Variants in DPP10 observed in about 807,000 individuals in gnomAD.
The protein encoded by DPP10 is inactive dipeptidyl peptidase 10.
DPP10 carries 33 observed loss-of-function variants against 120.9 expected under a neutral mutation model. The observed-to-expected ratio is 0.27, with a 90% CI of 0.21 to 0.37. The LOEUF is 0.37. Ranked by LOEUF, DPP10 falls within the 10% of genes least tolerant of loss-of-function variation. DPP10 has a pLI of 1.00. For synonymous variants in DPP10, 337 were observed against 326.1 expected, an observed-to-expected ratio of 1.03 and a Z score of -0.36; for missense variants, 816 against 942.8, an observed-to-expected ratio of 0.87 and a Z score of 1.76.
intron 1 of DPP10, among the ~76,000 whole-genome samples, chr2:114,644,753 A>C (rs1310597688): frequency 2.0e-5 from 3 of 151,948 alleles, no homozygotes; most frequent in Non-Finnish European, 2.9e-5. Context: ...GGCAACAATC[A>C]TGCAATAAGC....
chr2:114,661,141 GAAC>G (rs1303881450), intron 1 of DPP10, among the ~76,000 whole-genome samples: 3 of 152,008 alleles, frequency 2.0e-5, no homozygotes, highest in Non-Finnish European at 2.9e-5. Context: ...TCCTTTCAAA[GAAC>G]AACAATTAAA....
intron 1 of DPP10, among the ~76,000 whole-genome samples, chr2:114,791,923 G>T (rs1025069119): frequency 1.3e-5 from 2 of 152,162 alleles, no homozygotes; most frequent in Non-Finnish European, 2.9e-5. Flanking sequence ...TTGTATCACT[G>T]AATCAGCCTT....
rs1165798124 is a variant in DPP10 at position 115,394,438 on chromosome 2, A to T, written c.271+50526A>T. ...TTTTTTAATTAGAAAATCACATTCT[A>T]TTATAGGCTGCTACATGTAATCAAC... On this transcript the variant is annotated intron_variant, in intron 3 of 25. Coordinates refer to ENST00000410059, the MANE Select transcript of DPP10 (RefSeq NM_020868.6). Among the ~76,000 whole-genome samples the T allele has an allele frequency of 2.0e-5, 3 of 150,392 alleles. No homozygotes were observed. In the East Asian group the frequency reaches 5.9e-4, roughly 29 times the overall value.
At chr2:115,776,879 C>T (rs1682169279) in intron 13 of DPP10, among the ~76,000 whole-genome samples, 1 of 150,442 alleles carries the variant, frequency 6.6e-6, no homozygotes, top group Non-Finnish European at 1.5e-5. Flanking sequence ...TTTTTTAAAG[C>T]TAACTGTACA....
At chr2:115,716,500 T>C (rs1463507457) in intron 7 of DPP10, among the ~76,000 whole-genome samples, 3 of 152,156 alleles carry the variant, frequency 2.0e-5, no homozygotes. Flanking sequence ...TGCCTTTTAT[T>C]GCGGATCCTA....
chr2:115,242,719 G>A (rs2058346838), intron 1 of DPP10, among the ~76,000 whole-genome samples: 1 of 149,746 alleles, frequency 6.7e-6, no homozygotes, highest in Admixed American at 6.6e-5. Flanking sequence ...AGAGTAAGGT[G>A]GTATTGCATT....
chr2:115,153,378 T>A (rs1197661414), intron 1 of DPP10, among the ~76,000 whole-genome samples: 2 of 152,222 alleles, frequency 1.3e-5, no homozygotes, highest in Non-Finnish European at 2.9e-5. Context: ...GTTCTTATGT[T>A]GGTCCACTGT....
rs528227751 is a variant in DPP10 at position 114,496,785 on chromosome 2, C to T, written c.60+53947C>T. On this transcript the variant is annotated intron_variant, in intron 1 of 25. Transcript: ENST00000410059. ...GCTGGTTTGGGAACACTCAATGAGACGCAGGAAATGGAACCAACTGCTATT... is the reference window on the plus strand; with the variant it reads ...GCTGGTTTGGGAACACTCAATGAGATGCAGGAAATGGAACCAACTGCTATT... Among the ~76,000 whole-genome samples, 14 of 151,984 alleles carry T rather than the reference C, an allele frequency of 9.2e-5. No individual in the cohort carries two copies. In the South Asian group the frequency reaches 1.2e-3, roughly 14 times the overall value.
At chr2:114,757,154 G>A (rs1679832775) in intron 1 of DPP10, among the ~76,000 whole-genome samples, 1 of 148,998 alleles carries the variant, frequency 6.7e-6, no homozygotes, top group African/African-American at 2.5e-5. Context: ...GAGGGGTGGG[G>A]AGGGAGAGAG....
At position 115,047,493 on chromosome 2, in the gene DPP10, A is replaced by G. The variant is rs186627477; in HGVS notation, c.61-261746A>G. 8.0e-4 allele frequency among the ~76,000 whole-genome samples: 122 copies of G among 152,158 alleles called. 5 individuals carry two copies. Among genetic ancestry groups the G allele is most frequent in the Middle Eastern group, 6.9e-3 (2 of 290 alleles). ...GGTCATATTTTCATGAGTAAAAATT[A>G]TTTCCAATTATATTTTAACCGTGTC... On this transcript the variant is annotated intron_variant, in intron 1 of 25. Transcript: ENST00000410059.
intron 3 of DPP10, among the ~76,000 whole-genome samples, chr2:115,346,797 C>A (rs1025255427): frequency 7.4e-4 from 112 of 152,232 alleles, no homozygotes; most frequent in African/African-American, 2.6e-3. Context: ...TTAAAGTTAA[C>A]CCCAGAAAAC....
intron 1 of DPP10, among the ~76,000 whole-genome samples, chr2:114,997,801 A>C (rs1008053349): frequency 7.9e-5 from 12 of 152,240 alleles, no homozygotes; most frequent in African/African-American, 2.9e-4. Flanking sequence ...CAAAACCCTT[A>C]GGACCAGAAG....
At chr2:115,103,106 C>A (rs1057389485) in intron 1 of DPP10, among the ~76,000 whole-genome samples, 1 of 151,638 alleles carries the variant, frequency 6.6e-6, no homozygotes, top group African/African-American at 2.4e-5. Flanking sequence ...ACATAAAAAT[C>A]TCATCTCTCT....
chr2:115,392,733 A>T (rs2067403448), intron 3 of DPP10, among the ~76,000 whole-genome samples: 1 of 152,108 alleles, frequency 6.6e-6, no homozygotes, highest in Admixed American at 6.5e-5. Context: ...ATTACAATGA[A>T]TTTTTTAAAA....
chr2:115,312,016 A>T (rs1368261398), intron 2 of DPP10, among the ~76,000 whole-genome samples: 2 of 152,040 alleles, frequency 1.3e-5, no homozygotes, highest in African/African-American at 4.8e-5. Context: ...TAGGCCTCCC[A>T]AAGTGCTGGG....
intron 1 of DPP10, among the ~76,000 whole-genome samples, chr2:114,931,059 T>A (rs9678770): frequency 0.7 from 106,068 of 152,008 alleles, 37,194 homozygotes; most frequent in South Asian, 0.76. Flanking sequence ...CTCTAAGAAG[T>A]TTCCAACTTT....
chr2:115,089,411 C>G (rs1478026437), intron 1 of DPP10, among the ~76,000 whole-genome samples: 1 of 152,152 alleles, frequency 6.6e-6, no homozygotes, highest in Non-Finnish European at 1.5e-5. Flanking sequence ...ACTAGATGAG[C>G]AGTAATTGGA....
At chr2:115,039,914 G>A (rs899652356) in intron 1 of DPP10, among the ~76,000 whole-genome samples, 33 of 151,970 alleles carry the variant, frequency 2.2e-4, no homozygotes, top group African/African-American at 7.7e-4. Flanking sequence ...GGCAGAAGGC[G>A]ACAGGAGAGC....
chr2:115,667,293 C>T (rs571467696), intron 5 of DPP10, among the ~76,000 whole-genome samples: 1 of 152,044 alleles, frequency 6.6e-6, no homozygotes, highest in Non-Finnish European at 1.5e-5. Flanking sequence ...TTTCTCCAGT[C>T]TGTAGGTTGT....
Sources: gnomAD v4.1 joint callset for allele counts (sites outside exome capture counted in the v4.1 genomes callset) on GRCh38, gnomAD v4.1.1 for gene constraint, MANE v1.5 for transcripts, NCBI Gene and HGNC (gene_info 2026-07-23, HGNC 2026-07-21) for gene names.